Variants in PHF8 observed in about 807,000 individuals in gnomAD.
PHF8 encodes PHD finger protein 8.
Under a neutral mutation model 74.4 loss-of-function variants are expected in PHF8, and 9 were observed. That is an observed-to-expected ratio of 0.12 (90% CI 0.07 to 0.21). The LOEUF (loss-of-function observed/expected upper bound fraction) is 0.21, where lower values mean the gene tolerates loss of function less well. Ranked by LOEUF, PHF8 falls within the 10% of genes least tolerant of loss-of-function variation. The pLI, the probability that PHF8 is intolerant of heterozygous loss-of-function variation, is 1.00. For synonymous variants in PHF8, 311 were observed against 316.6 expected (o/e 0.98, Z 0.19); for missense variants, 478 against 816.6 (o/e 0.59, Z 5.05).
At chrX:53,954,124 T>C (rs2064973611) in intron 19 of PHF8, among the ~76,000 whole-genome samples, 3 of 111,250 alleles carry the variant, frequency 2.7e-5, no homozygotes, top group African/African-American at 9.8e-5. Context: ...ACCAAACTGA[T>C]GGGAGAAAAT....
chrX:53,967,526 T>C (rs1347034642), intron 18 of PHF8, among the ~76,000 whole-genome samples: 3 of 101,211 alleles, frequency 3.0e-5, no homozygotes, highest in Admixed American at 1.1e-4. Flanking sequence ...AGCCGCCCCG[T>C]CCGGGAGGTG....
intron 11 of PHF8, among the ~76,000 whole-genome samples, chrX:53,996,345 C>A (rs782438534): frequency 2.7e-3 from 295 of 110,171 alleles, no homozygotes; most frequent in Non-Finnish European, 4.5e-3. Context: ...GAACTCCTGA[C>A]CTCAGGTGAT....
At chrX:54,045,035 G>A, upstream of PHF8, 1 of 556,674 alleles carries the variant, frequency 1.8e-6, no homozygotes. Context: ...CAGGGACGTT[G>A]AACCTTGTGC....
chrX:53,998,346 C>G (rs890349081), intron 11 of PHF8, among the ~76,000 whole-genome samples: 2 of 110,992 alleles, frequency 1.8e-5, no homozygotes, highest in Non-Finnish European at 3.8e-5. Flanking sequence ...CCCAGCTACT[C>G]AGGAGGCTGA....
rs781850579 is a variant in PHF8, at chrX:54,030,143, G to GT, written c.99-7301_99-7300insA. Among the ~76,000 whole-genome samples, 7 of 111,125 alleles carry GT rather than the reference G, an allele frequency of 6.3e-5. No homozygotes were observed. In the East Asian group the frequency reaches 1.7e-3, roughly 27 times the overall value. On this transcript the variant is annotated intron_variant, in intron 2 of 21. Transcript: ENST00000338154. Reference sequence around the variant, plus strand: ...AGGCCTTGGAATTGCTCACTTACCTGCTGTCTGTCCCCACTACATTTGCCA... The same window carrying GT: ...AGGCCTTGGAATTGCTCACTTACCTGTCTGTCTGTCCCCACTACATTTGCCA...
intron 11 of PHF8, 130 bp downstream of exon 11, chrX:53,999,740 C>T (rs1207570642): frequency 4.2e-6 from 2 of 471,378 alleles, no homozygotes; most frequent in African/African-American, 2.5e-5. Flanking sequence ...AATCCTAGCC[C>T]ACACCTCCAC....
chrX:54,003,495 A>G (rs1300616008), intron 8 of PHF8, among the ~76,000 whole-genome samples: 1 of 111,125 alleles, frequency 9.0e-6, no homozygotes, highest in East Asian at 2.8e-4. Flanking sequence ...CGTCTCTACT[A>G]AAAATACAAA....
chrX:54,001,168 A>T (rs2065821628), intron 10 of PHF8, among the ~76,000 whole-genome samples: 1 of 111,143 alleles, frequency 9.0e-6, no homozygotes, highest in African/African-American at 3.3e-5. Context: ...TCTACTAAAA[A>T]TACAAAAATT....
At position 53,944,262 on chromosome X, in the gene PHF8, GAGA is replaced by G. The variant is rs1557084470; in HGVS notation, c.2540-22_2540-20del. On this transcript the variant is annotated intron_variant, in intron 19 of 21. Coordinates refer to ENST00000338154, the MANE Select transcript of PHF8 (RefSeq NM_015107.3). ...ACGCGGGCTGCAAGGGAAACAGGATGAGAAGGTGTCACTAAGACATTTATCCGA... is the reference window on the plus strand; with the variant it reads ...ACGCGGGCTGCAAGGGAAACAGGATGAGGTGTCACTAAGACATTTATCCGA... The G allele has an allele frequency of 1.1e-5, 12 of 1,116,575 alleles. No individual in the cohort carries two copies. The highest frequency in any genetic ancestry group is 1.8e-5 in the African/African-American group (1 of 56,134). 92.0% of individuals were successfully genotyped at this position (1,116,575 alleles called of 1,213,427 possible). A position where few individuals can be genotyped will look rare whatever the true frequency, so the allele number is the denominator to read the frequency against.
chrX:53,963,711 T>C (rs1015677366), intron 18 of PHF8, among the ~76,000 whole-genome samples: 1 of 112,114 alleles, frequency 8.9e-6, no homozygotes, highest in African/African-American at 3.2e-5. Context: ...GTTAGAATGG[T>C]GATCATTAAA....
At position 53,993,835 on chromosome X, in the gene PHF8, G is replaced by A; in HGVS notation, c.1392C>T (p.Gly464=). 1.7e-6 allele frequency: 2 copies of A among 1,207,925 alleles called. No homozygotes were observed. The highest frequency in any genetic ancestry group is 1.8e-5 in the South Asian group (1 of 56,896). ...GGGCTGGCCTGGTTAGGGGAATGGA[G>A]CCGGCTGGGAAGATCCTCTGCAGCC... is the stretch of plus-strand genomic sequence containing the variant. ...IFGLQRIFPA[G]SIPLTRPAHS... is the part of the protein sequence containing the mutation. The change falls in exon 13 of 22, where the codon GGC becomes GGT. Residue 464 remains glycine (G), a synonymous_variant. Transcript: ENST00000338154.
chrX:54,004,275 A>G (rs1232131369), intron 8 of PHF8, among the ~76,000 whole-genome samples: 1 of 107,847 alleles, frequency 9.3e-6, no homozygotes, highest in Non-Finnish European at 1.9e-5. Flanking sequence ...GGATGAATAA[A>G]TGCCTGGGAA....
chrX:53,993,815 G>T lies in PHF8; in HGVS notation c.1412C>A (p.Pro471Gln), dbSNP rs2065706407. 4 of 1,205,240 alleles carry T rather than the reference G, an allele frequency of 3.3e-6. No individual in the cohort carries two copies. Among genetic ancestry groups the T allele is most frequent in the Admixed American group, 2.2e-5 (1 of 45,849 alleles). ...CATGGACACTGAAGTGGAATGGGCT[G>T]GCCTGGTTAGGGGAATGGAGCCGGC... ...FPAGSIPLTR[P>Q]AHSTSVSMSR... Residue 471 changes from proline to glutamine, a missense_variant, in exon 13 of 22, where the codon CCA becomes CAA. By Grantham distance (76) the Pro-to-Gln change is moderately conservative. Around this residue, in one of 9 missense-constraint regions of PHF8, gnomAD observed 153 missense variants for 164.8 expected, o/e 0.93. Transcript: ENST00000338154.
chrX:54,046,325 C>A (rs1176993777), upstream of PHF8, among the ~76,000 whole-genome samples: 1 of 110,874 alleles, frequency 9.0e-6, no homozygotes, highest in Non-Finnish European at 1.9e-5. Flanking sequence ...TGGCTCATGT[C>A]TGTAATCCTA....
intron 2 of PHF8, among the ~76,000 whole-genome samples, chrX:54,027,956 T>C (rs901589612): frequency 2.8e-5 from 3 of 106,473 alleles, no homozygotes; most frequent in Non-Finnish European, 3.8e-5. Context: ...TAGAGGAATA[T>C]GTATGTGTGA....
chrX:53,936,897 CTTG>C lies in PHF8; in HGVS notation c.*2258_*2260del, dbSNP rs2064677814. 9.0e-6 allele frequency: 1 copy of C among 110,986 alleles called. No homozygotes were observed. Among genetic ancestry groups the C allele is most frequent in the Non-Finnish European group, 1.9e-5 (1 of 52,902 alleles). 9.1% of individuals were successfully genotyped at this position (110,986 alleles called of 1,213,427 possible). A position where few individuals can be genotyped will look rare whatever the true frequency, so the allele number is the denominator to read the frequency against. On this transcript the variant is annotated 3_prime_UTR_variant, in exon 22 of 22. Coordinates refer to ENST00000338154, the MANE Select transcript of PHF8 (RefSeq NM_015107.3). Reference sequence around the variant, plus strand: ...TTTAGACATGTACAGAAGCGGTGGGCTTGTTTTTAAATTGTTTGCTTTTTTTGT... The same window carrying C: ...TTTAGACATGTACAGAAGCGGTGGGCTTTTTAAATTGTTTGCTTTTTTTGT...
chrX:53,968,866 G>A (rs1016207550), intron 18 of PHF8, among the ~76,000 whole-genome samples: 1 of 111,313 alleles, frequency 9.0e-6, no homozygotes, highest in African/African-American at 3.3e-5. Context: ...CCAAGATTGC[G>A]CCACTGCACT....
At chrX:53,942,151 T>A (rs2064761313) in intron 20 of PHF8, among the ~76,000 whole-genome samples, 2 of 112,041 alleles carry the variant, frequency 1.8e-5, no homozygotes, top group South Asian at 7.4e-4. Context: ...CTCAAAAAGC[T>A]GTTAGCAGAT....
intron 6 of PHF8, among the ~76,000 whole-genome samples, chrX:54,016,130 C>T (rs1338669230): frequency 3.6e-5 from 4 of 111,605 alleles, no homozygotes; most frequent in Admixed American, 9.6e-5. Flanking sequence ...ACTGTTACAA[C>T]GTGAGCAGCT....
Sources: gnomAD v4.1 joint callset for allele counts (sites outside exome capture counted in the v4.1 genomes callset) on GRCh38, gnomAD v4.1.1 for gene constraint, gnomAD v4.1.1 regional missense constraint, MANE v1.5 for transcripts, NCBI Gene and HGNC (gene_info 2026-07-23, HGNC 2026-07-21) for gene names.